Variants in SATB2 observed in about 807,000 individuals in gnomAD.
The protein encoded by SATB2 is DNA-binding protein SATB2.
A neutral mutation model predicts 73.4 loss-of-function variants in SATB2; 1 was observed. The observed-to-expected ratio is 0.01, with a 90% CI of 0.00 to 0.06. SATB2 has a LOEUF of 0.06. SATB2 is among the 10% of genes least tolerant of loss of function. SATB2 has a pLI of 1.00. For synonymous variants in SATB2, 397 were observed against 367.0 expected (o/e 1.08, Z -0.93); for missense variants, 459 against 945.8 (o/e 0.49, Z 6.75).
intron 5 of SATB2, among the ~76,000 whole-genome samples, chr2:199,372,886 C>A (rs1325869169): frequency 1.3e-5 from 2 of 152,064 alleles, no homozygotes; most frequent in South Asian, 2.1e-4. Context: ...TAGGAAAAAG[C>A]AAAATAATAA....
At chr2:199,338,852 G>T (rs1398986865) in intron 7 of SATB2, among the ~76,000 whole-genome samples, 2 of 151,408 alleles carry the variant, frequency 1.3e-5, no homozygotes, top group Non-Finnish European at 2.9e-5. Context: ...AGGAGGCAGA[G>T]GTTGCAGTGA....
At chr2:199,327,409 C>G (rs1688059573) in intron 8 of SATB2, among the ~76,000 whole-genome samples, 1 of 152,140 alleles carries the variant, frequency 6.6e-6, no homozygotes, top group Admixed American at 6.5e-5. Context: ...CCACTGCACT[C>G]CAGCCTGGGC....
chr2:199,383,800 T>C (rs996875184), intron 3 of SATB2, among the ~76,000 whole-genome samples: 1 of 152,144 alleles, frequency 6.6e-6, no homozygotes, highest in Non-Finnish European at 1.5e-5. Context: ...ATTGTAAGAA[T>C]ACACCACACT....
intron 10 of SATB2, among the ~76,000 whole-genome samples, chr2:199,284,962 T>C (rs1318238108): frequency 1.3e-5 from 2 of 152,110 alleles, no homozygotes; most frequent in East Asian, 3.8e-4. Flanking sequence ...TACATGCAAA[T>C]ACTACACCAT....
upstream of SATB2, among the ~76,000 whole-genome samples, chr2:199,467,100 T>A (rs2105970617): frequency 6.6e-6 from 1 of 152,376 alleles, no homozygotes; most frequent in East Asian, 1.9e-4. Context: ...GCAAGTCCCC[T>A]GCAGAACTGG....
chr2:199,300,546 A>G (rs919793941), intron 10 of SATB2, among the ~76,000 whole-genome samples: 2 of 152,076 alleles, frequency 1.3e-5, no homozygotes, highest in Non-Finnish European at 2.9e-5. Flanking sequence ...AAGACAATAT[A>G]TATTAGCAAT....
intron 9 of SATB2, among the ~76,000 whole-genome samples, chr2:199,315,145 T>C (rs1384645234): frequency 6.6e-6 from 1 of 152,098 alleles, no homozygotes; most frequent in African/African-American, 2.4e-5. Context: ...TAATCTGTTA[T>C]CATTTTAACC....
intron 10 of SATB2, among the ~76,000 whole-genome samples, chr2:199,289,807 A>G (rs564098056): frequency 1.3e-5 from 2 of 152,262 alleles, no homozygotes; most frequent in South Asian, 4.1e-4. Context: ...AAAACTCCAC[A>G]TCTAGTTGAT....
In SATB2 at chr2:199,348,905, A is replaced by T; in HGVS notation, c.969T>A (p.Val323=). 6.2e-7 allele frequency: 1 copy of T among 1,614,184 alleles called. No homozygotes were observed. The highest frequency in any genetic ancestry group is 8.5e-7 in the Non-Finnish European group (1 of 1,180,028). ...GATGCTGGTGAGCCAGGAGCCGGCT[A>T]ACGGCAATCTGTTGGTTTATCAGAT... ...MAHLINQQIA[V]SRLLAHQHPQ... is the part of the protein sequence containing the mutation. Residue 323 remains valine (V), a synonymous_variant, in exon 7 of 11, where the codon GTT becomes GTA. Coordinates refer to ENST00000417098, the MANE Select transcript of SATB2 (RefSeq NM_001172509.2).
In SATB2 at chr2:199,385,686, T is replaced by C. The variant is rs576681653; in HGVS notation, c.347-3866A>G. On this transcript the variant is annotated intron_variant, in intron 3 of 10. Transcript: ENST00000417098. Reference sequence around the variant, plus strand: ...CAGATTCACTTCAAAGACCAGGCTCTCACTCTTCTTGTTATCACACTGGCT... The same window carrying C: ...CAGATTCACTTCAAAGACCAGGCTCCCACTCTTCTTGTTATCACACTGGCT... Among the ~76,000 whole-genome samples, 5 of 152,310 alleles carry C rather than the reference T, an allele frequency of 3.3e-5. No homozygotes were observed. The East Asian group carries it at 9.7e-4, about 29-fold the overall frequency.
intron 6 of SATB2, among the ~76,000 whole-genome samples, chr2:199,364,886 C>T (rs905368563): frequency 6.6e-6 from 1 of 151,890 alleles, no homozygotes; most frequent in East Asian, 1.9e-4. Flanking sequence ...TTTATTATAT[C>T]CCCCCAAAAG....
At chr2:199,400,738 G>A (rs1690446919) in intron 3 of SATB2, among the ~76,000 whole-genome samples, 1 of 152,032 alleles carries the variant, frequency 6.6e-6, no homozygotes, top group East Asian at 1.9e-4. Context: ...AACACCAGGG[G>A]ACAGTTTTTC....
chr2:199,415,122 A>G (rs1356850417), intron 3 of SATB2, among the ~76,000 whole-genome samples: 1 of 152,260 alleles, frequency 6.6e-6, no homozygotes, highest in Admixed American at 6.5e-5. Flanking sequence ...CACCACAATT[A>G]TGTGCGTATT....
At chr2:199,469,186 G>A (rs971979866), upstream of SATB2, among the ~76,000 whole-genome samples, 3 of 152,204 alleles carry the variant, frequency 2.0e-5, no homozygotes, top group African/African-American at 4.8e-5. Flanking sequence ...TACAGGCAAG[G>A]CAGGAAGGTT....
chr2:199,362,892 G>C (rs184272823), intron 6 of SATB2, among the ~76,000 whole-genome samples: 9 of 152,242 alleles, frequency 5.9e-5, no homozygotes, highest in Non-Finnish European at 8.8e-5. Context: ...TAAGGAAATA[G>C]ATCATTTTTC....
intron 10 of SATB2, among the ~76,000 whole-genome samples, chr2:199,287,864 C>T (rs1692733766): frequency 6.6e-6 from 1 of 152,098 alleles, no homozygotes; most frequent in Non-Finnish European, 1.5e-5. Flanking sequence ...AACAAATACA[C>T]AAAATTGAGC....
intron 3 of SATB2, among the ~76,000 whole-genome samples, chr2:199,386,485 T>C (rs1305796576): frequency 6.6e-6 from 1 of 152,144 alleles, no homozygotes; most frequent in African/African-American, 2.4e-5. Context: ...ATCACTCCAG[T>C]GTAGTGAACA....
At chr2:199,279,603 AAC>A (rs1403809103) in intron 10 of SATB2, among the ~76,000 whole-genome samples, 3 of 152,202 alleles carry the variant, frequency 2.0e-5, no homozygotes, top group Non-Finnish European at 4.4e-5. Flanking sequence ...AATAGGTTAA[AAC>A]AGTTTCCCAG....
intron 6 of SATB2, among the ~76,000 whole-genome samples, chr2:199,352,960 C>T (rs909578565): frequency 6.6e-6 from 1 of 151,936 alleles, no homozygotes; most frequent in Non-Finnish European, 1.5e-5. Context: ...ACTAGTCACC[C>T]TTTATGTTTT....
Sources: allele counts gnomAD v4.1 joint callset (sites outside exome capture counted in the v4.1 genomes callset), GRCh38; gene constraint gnomAD v4.1.1; transcripts MANE v1.5; gene names NCBI Gene and HGNC (gene_info 2026-07-23, HGNC 2026-07-21).